CAPZB: variants seen among roughly 807,000 people sequenced by gnomAD.
CAPZB encodes F-actin-capping protein subunit beta.
A neutral mutation model predicts 38.1 loss-of-function variants in CAPZB; 2 were observed. The observed-to-expected ratio is 0.05, with a 90% CI of 0.02 to 0.17. CAPZB has a LOEUF of 0.17. Among genes scored for constraint, CAPZB ranks in the 10% least tolerant of loss-of-function variants. The probability of loss-of-function intolerance (pLI) is 1.00; values close to 1 mark genes in which losing one functional copy is unlikely to be tolerated. For missense variants in CAPZB, 161 were observed against 334.2 expected, an observed-to-expected ratio of 0.48 and a Z score of 4.04; for synonymous variants, 107 against 127.4, an observed-to-expected ratio of 0.84 and a Z score of 1.08.
At chr1:19,484,759 G>T in intron 1 of CAPZB, 1 of 1,022,254 alleles carries the variant, frequency 9.8e-7, no homozygotes, top group Non-Finnish European at 1.2e-6. Context: ...TACGCTAGGA[G>T]TGGCGAAAAG....
At chr1:19,449,996 G>A (rs751615548) in intron 1 of CAPZB, among the ~76,000 whole-genome samples, 1 of 151,308 alleles carries the variant, frequency 6.6e-6, no homozygotes, top group Non-Finnish European at 1.5e-5. Context: ...TAAAAAATTA[G>A]CCAGGCATGA....
chr1:19,344,814 A>G (rs1368600966), intron 7 of CAPZB, among the ~76,000 whole-genome samples: 1 of 152,230 alleles, frequency 6.6e-6, no homozygotes. Context: ...GGGCCAAGGC[A>G]GCCGCAACTG....
In CAPZB at chr1:19,409,964, T is replaced by C. The variant is rs538039775; in HGVS notation, c.93+9697A>G. Among the ~76,000 whole-genome samples the C allele has an allele frequency of 3.9e-5, 6 of 152,378 alleles. No individual in the cohort carries two copies. In the South Asian group the frequency reaches 6.2e-4, roughly 16 times the overall value. On this transcript the variant is annotated intron_variant, in intron 2 of 8. Transcript: ENST00000264202. ...ATGAGAAATACGCAATATGACTACATGCTGTTGCAATAGAGTTTTAGTGTG... is the reference window on the plus strand; with the variant it reads ...ATGAGAAATACGCAATATGACTACACGCTGTTGCAATAGAGTTTTAGTGTG...
intron 1 of CAPZB, 22 bp downstream of exon 1, chr1:19,485,414 G>A (rs1443035110): frequency 3.6e-5 from 44 of 1,227,952 alleles, no homozygotes; most frequent in Non-Finnish European, 4.5e-5. Flanking sequence ...CCGGGCCGGG[G>A]AGGGGGCCGT....
At chr1:19,414,765 T>A (rs982969941) in intron 2 of CAPZB, among the ~76,000 whole-genome samples, 27 of 152,214 alleles carry the variant, frequency 1.8e-4, no homozygotes, top group Non-Finnish European at 7.3e-5. Context: ...AGGGCCAAGT[T>A]TATGAAGCCA....
intron 1 of CAPZB, among the ~76,000 whole-genome samples, chr1:19,451,460 T>A (rs947554780): frequency 6.6e-6 from 1 of 152,080 alleles, no homozygotes; most frequent in Non-Finnish European, 1.5e-5. Context: ...CCCACCGGCA[T>A]GTGGTAGAAG....
chr1:19,377,012 GC>G (rs1410276504), intron 4 of CAPZB, among the ~76,000 whole-genome samples: 2 of 152,178 alleles, frequency 1.3e-5, no homozygotes, highest in Non-Finnish European at 2.9e-5. Flanking sequence ...ATACCTGGAG[GC>G]CCACTTGCAT....
At chr1:19,343,466 C>T (rs1038495008) in intron 8 of CAPZB, among the ~76,000 whole-genome samples, 2 of 152,232 alleles carry the variant, frequency 1.3e-5, no homozygotes, top group African/African-American at 4.8e-5. Context: ...CAGCCCGACT[C>T]ACACGGTGCT....
At chr1:19,478,185 G>A (rs548303106) in intron 1 of CAPZB, among the ~76,000 whole-genome samples, 1 of 152,308 alleles carries the variant, frequency 6.6e-6, no homozygotes, top group Middle Eastern at 3.4e-3. Flanking sequence ...TAAACAGAAT[G>A]AGCCCCTTAA....
chr1:19,444,291 G>GC (rs2094489142), intron 1 of CAPZB, among the ~76,000 whole-genome samples: 1 of 152,126 alleles, frequency 6.6e-6, no homozygotes, highest in Admixed American at 6.5e-5. Flanking sequence ...CCCAGGGCTT[G>GC]CCCCTCCATC....
At chr1:19,341,853 T>C (rs545363942) in intron 8 of CAPZB, among the ~76,000 whole-genome samples, 1 of 152,212 alleles carries the variant, frequency 6.6e-6, no homozygotes, top group Admixed American at 6.5e-5. Flanking sequence ...GTTTTCTAAG[T>C]GCCTGACCCC....
At chr1:19,379,632 T>C (rs987364204) in intron 3 of CAPZB, among the ~76,000 whole-genome samples, 1 of 152,176 alleles carries the variant, frequency 6.6e-6, no homozygotes, top group African/African-American at 2.4e-5. Context: ...CCAAGAGCTA[T>C]GCACACATAT....
intron 2 of CAPZB, among the ~76,000 whole-genome samples, chr1:19,398,878 CTT>C (rs35605042): frequency 2.6e-3 from 367 of 140,788 alleles, no homozygotes; most frequent in Middle Eastern, 3.6e-3. Flanking sequence ...CTGCACAACT[CTT>C]TTTTTTTTTT....
chr1:19,440,511 C>G (rs1205990358), intron 1 of CAPZB, among the ~76,000 whole-genome samples: 2 of 152,146 alleles, frequency 1.3e-5, no homozygotes, highest in Non-Finnish European at 2.9e-5. Context: ...GAACTCCAGA[C>G]CAGCCTAAGG....
At chr1:19,349,425 G>A (rs1311321018) in intron 6 of CAPZB, among the ~76,000 whole-genome samples, 1 of 152,034 alleles carries the variant, frequency 6.6e-6, no homozygotes, top group Non-Finnish European at 1.5e-5. Flanking sequence ...GGCCACCCTA[G>A]GGAAGGGATG....
At chr1:19,463,531 A>G (rs1355819701) in intron 1 of CAPZB, among the ~76,000 whole-genome samples, 1 of 152,180 alleles carries the variant, frequency 6.6e-6, no homozygotes, top group Non-Finnish European at 1.5e-5. Flanking sequence ...AGCTCACATA[A>G]CCTTACTCCC....
chr1:19,478,196 G>A (rs2094613784), intron 1 of CAPZB, among the ~76,000 whole-genome samples: 1 of 152,216 alleles, frequency 6.6e-6, no homozygotes, highest in East Asian at 1.9e-4. Context: ...AGCCCCTTAA[G>A]ACCACTCTCC....
intron 1 of CAPZB, among the ~76,000 whole-genome samples, chr1:19,450,143 CCAAAAAAAAAAAAA>C (rs1343663549): frequency 2.6e-5 from 1 of 39,042 alleles, no homozygotes; most frequent in Non-Finnish European, 5.2e-5. Context: ...GACCCTGTCT[CCAAAAAAAAAAAAA>C]AAAAAAAAAA....
At chr1:19,440,272 A>C (rs1467920910) in intron 1 of CAPZB, among the ~76,000 whole-genome samples, 1 of 152,164 alleles carries the variant, frequency 6.6e-6, no homozygotes, top group Non-Finnish European at 1.5e-5. Context: ...TCCTGGGCTC[A>C]AGCGATCCAC....
Sources: allele counts gnomAD v4.1 joint callset (sites outside exome capture counted in the v4.1 genomes callset), GRCh38; gene constraint gnomAD v4.1.1; transcripts MANE v1.5; gene names NCBI Gene and HGNC (gene_info 2026-07-23, HGNC 2026-07-21).